GALNT13: variants seen among roughly 807,000 people sequenced by gnomAD.
The protein encoded by GALNT13 is UDP-GalNAc:polypeptide N-acetylgalactosaminyltransferase 13.
A neutral mutation model predicts 64.2 loss-of-function variants in GALNT13; 28 were observed. That is an observed-to-expected ratio of 0.44 (90% CI 0.32 to 0.60). GALNT13 has a LOEUF of 0.60. Ranked by LOEUF, GALNT13 falls within the 20% of genes least tolerant of loss-of-function variation. The pLI is 0.05. For missense variants in GALNT13, 577 were observed against 669.8 expected (o/e 0.86, Z 1.53); for synonymous variants, 214 against 224.6 (o/e 0.95, Z 0.42).
chr2:154,354,967 A>G (rs1407063874), intron 9 of GALNT13, among the ~76,000 whole-genome samples: 4 of 152,016 alleles, frequency 2.6e-5, no homozygotes, highest in Non-Finnish European at 5.9e-5. Flanking sequence ...GATTTCTGCC[A>G]TTGCCTGCCA....
intron 11 of GALNT13, among the ~76,000 whole-genome samples, chr2:154,434,247 A>T (rs754704060): frequency 6.6e-6 from 1 of 152,166 alleles, no homozygotes; most frequent in African/African-American, 2.4e-5. Context: ...GAGTTATTAC[A>T]GTGATTAGTT....
chr2:153,661,206 A>G, the GALNT13 span, among the ~76,000 whole-genome samples: 1 of 152,114 alleles, frequency 6.6e-6, no homozygotes, highest in Non-Finnish European at 1.5e-5. Context: ...TACTAAGTTT[A>G]TACTAGAATC....
At chr2:153,260,402 C>T in the GALNT13 span, among the ~76,000 whole-genome samples, 1 of 152,122 alleles carries the variant, frequency 6.6e-6, no homozygotes, top group Non-Finnish European at 1.5e-5. Flanking sequence ...GATAAAATCC[C>T]TCAGTTTTGT....
chr2:153,900,231 C>A (rs1270786349), intron 1 of GALNT13, among the ~76,000 whole-genome samples: 1 of 151,984 alleles, frequency 6.6e-6, no homozygotes, highest in African/African-American at 2.4e-5. Flanking sequence ...AGTGTAAAAC[C>A]CATTTAATTT....
At chr2:153,707,152 G>C in the GALNT13 span, among the ~76,000 whole-genome samples, 1 of 152,122 alleles carries the variant, frequency 6.6e-6, no homozygotes, top group African/African-American at 2.4e-5. Flanking sequence ...ACGTGGAACT[G>C]TAAGTCCAAT....
the GALNT13 span, among the ~76,000 whole-genome samples, chr2:153,675,245 A>C: frequency 6.6e-6 from 1 of 152,218 alleles, no homozygotes; most frequent in Admixed American, 6.5e-5. Context: ...ACACATGCAC[A>C]CGTATGTTTA....
chr2:153,938,608 A>C (rs1691115707), intron 2 of GALNT13, among the ~76,000 whole-genome samples: 1 of 152,178 alleles, frequency 6.6e-6, no homozygotes, highest in South Asian at 2.1e-4. Flanking sequence ...TGGGTGCCTT[A>C]AACAACAGAA....
intron 4 of GALNT13, among the ~76,000 whole-genome samples, chr2:154,162,132 A>G (rs1057446855): frequency 1.3e-5 from 2 of 152,200 alleles, no homozygotes; most frequent in African/African-American, 4.8e-5. Context: ...ACATTCTAAC[A>G]TAAATACTCT....
intron 9 of GALNT13, among the ~76,000 whole-genome samples, chr2:154,351,503 G>A (rs1239295703): frequency 2.0e-5 from 3 of 151,710 alleles, no homozygotes; most frequent in Admixed American, 1.3e-4. Context: ...CTAACACGGT[G>A]AAACCCCGTC....
the GALNT13 span, among the ~76,000 whole-genome samples, chr2:153,407,391 G>C: frequency 6.6e-6 from 1 of 152,186 alleles, no homozygotes; most frequent in Non-Finnish European, 1.5e-5. Context: ...AAATAGCTTT[G>C]GGGTTAAATG....
chr2:153,519,421 G>A, the GALNT13 span, among the ~76,000 whole-genome samples: 2 of 152,290 alleles, frequency 1.3e-5, no homozygotes, highest in African/African-American at 4.8e-5. Context: ...CAACAGGATA[G>A]TACAAGTATT....
chr2:153,951,460 C>T (rs904441510), intron 3 of GALNT13, among the ~76,000 whole-genome samples: 4 of 152,018 alleles, frequency 2.6e-5, no homozygotes, highest in African/African-American at 9.7e-5. Flanking sequence ...CAAAATAGTG[C>T]AAAATGAGGT....
the GALNT13 span, among the ~76,000 whole-genome samples, chr2:153,413,685 T>C: frequency 6.6e-6 from 1 of 152,198 alleles, no homozygotes; most frequent in Non-Finnish European, 1.5e-5. Context: ...ATAGACTTGT[T>C]GAAAAATTGG....
At chr2:154,095,488 G>A (rs1280224385) in intron 3 of GALNT13, among the ~76,000 whole-genome samples, 1 of 151,976 alleles carries the variant, frequency 6.6e-6, no homozygotes, top group East Asian at 1.9e-4. Flanking sequence ...GAAAGGTCAA[G>A]AACCCCTATT....
At chr2:154,247,316 C>T (rs369375430) in intron 7 of GALNT13, among the ~76,000 whole-genome samples, 3 of 151,952 alleles carry the variant, frequency 2.0e-5, no homozygotes, top group East Asian at 3.9e-4. Flanking sequence ...TATAGTGGCT[C>T]ATGTTACCAT....
At chr2:153,113,604 T>C in the GALNT13 span, among the ~76,000 whole-genome samples, 1 of 152,056 alleles carries the variant, frequency 6.6e-6, no homozygotes, top group African/African-American at 2.4e-5. Flanking sequence ...ATTTTGAAGA[T>C]GGATTGTTGT....
the GALNT13 span, among the ~76,000 whole-genome samples, chr2:153,347,500 G>A: frequency 4.1e-4 from 62 of 152,184 alleles, no homozygotes; most frequent in Non-Finnish European, 8.1e-4. Context: ...CTTCTGAGCT[G>A]TGCCTTCAGA....
intron 3 of GALNT13, among the ~76,000 whole-genome samples, chr2:154,026,956 G>A (rs1388578331): frequency 6.6e-6 from 1 of 152,134 alleles, no homozygotes; most frequent in African/African-American, 2.4e-5. Flanking sequence ...CATTTATGTT[G>A]TTCTCAGGAG....
At chr2:153,631,594 C>G in the GALNT13 span, among the ~76,000 whole-genome samples, 2 of 152,190 alleles carry the variant, frequency 1.3e-5, no homozygotes, top group East Asian at 3.8e-4. Flanking sequence ...TATCTGTTGG[C>G]TGCATAAATG....
Sources: allele counts gnomAD v4.1 joint callset (sites outside exome capture counted in the v4.1 genomes callset), GRCh38; gene constraint gnomAD v4.1.1; transcripts MANE v1.5; gene names NCBI Gene and HGNC (gene_info 2026-07-23, HGNC 2026-07-21).